USP32: variants seen among roughly 807,000 people sequenced by gnomAD.
USP32 encodes the protein ubiquitin carboxyl-terminal hydrolase 32.
USP32 carries 59 observed loss-of-function variants against 204.8 expected under a neutral mutation model. The observed-to-expected ratio is 0.29, with a 90% CI of 0.23 to 0.36. The LOEUF (loss-of-function observed/expected upper bound fraction) is 0.36, where lower values mean the gene tolerates loss of function less well. Among genes scored for constraint, USP32 ranks in the 10% least tolerant of loss-of-function variants. The probability of loss-of-function intolerance (pLI) is 1.00; values close to 1 mark genes in which losing one functional copy is unlikely to be tolerated. For missense variants in USP32, 1,160 were observed against 1,946.4 expected, an observed-to-expected ratio of 0.60 and a Z score of 7.60; for synonymous variants, 517 against 678.4, an observed-to-expected ratio of 0.76 and a Z score of 3.70.
At chr17:60,382,369 C>T (rs576455801) in intron 1 of USP32, among the ~76,000 whole-genome samples, 25 of 152,288 alleles carry the variant, frequency 1.6e-4, no homozygotes, top group African/African-American at 6.0e-4. Flanking sequence ...TGGTGGTGCA[C>T]ACCTGTAGTC....
chr17:60,243,671 T>C (rs941880759), intron 11 of USP32, among the ~76,000 whole-genome samples: 1 of 152,234 alleles, frequency 6.6e-6, no homozygotes, highest in African/African-American at 2.4e-5. Flanking sequence ...AAAACATTTT[T>C]AGCTTGCAGA....
intron 1 of USP32, among the ~76,000 whole-genome samples, chr17:60,372,822 G>C (rs2089465880): frequency 6.7e-6 from 1 of 149,040 alleles, no homozygotes; most frequent in African/African-American, 2.5e-5. Context: ...ACTCCAGCCT[G>C]GGTGACAGAG....
chr17:60,202,345 C>A (rs1295989523), intron 26 of USP32, among the ~76,000 whole-genome samples: 1 of 151,692 alleles, frequency 6.6e-6, no homozygotes, highest in Non-Finnish European at 1.5e-5. Flanking sequence ...TGGATGATAT[C>A]CAATCTTGAT....
intron 9 of USP32, among the ~76,000 whole-genome samples, chr17:60,262,953 C>A (rs1404738758): frequency 6.6e-6 from 1 of 151,902 alleles, no homozygotes; most frequent in Non-Finnish European, 1.5e-5. Context: ...TTGGTGCTAA[C>A]CTTTTTTTTT....
intron 27 of USP32, among the ~76,000 whole-genome samples, chr17:60,194,299 C>T (rs1349669706): frequency 6.6e-6 from 1 of 152,206 alleles, no homozygotes; most frequent in African/African-American, 2.4e-5. Flanking sequence ...CTGCCTCAGC[C>T]TCCTAAAGTG....
intron 31 of USP32, 38 bp from the exon 32 acceptor site, chr17:60,181,786 A>G (rs2084119257): frequency 8.9e-6 from 14 of 1,581,550 alleles, no homozygotes; most frequent in Non-Finnish European, 1.0e-5. Flanking sequence ...ACAAATTCAA[A>G]TGCCACAAAG....
chr17:60,290,184 C>T (rs923425812), intron 4 of USP32, among the ~76,000 whole-genome samples: 4 of 152,148 alleles, frequency 2.6e-5, no homozygotes, highest in African/African-American at 7.2e-5. Flanking sequence ...TTTTGCCCAC[C>T]ACCATCGCCC....
chr17:60,255,316 G>A, intron 9 of USP32, 58 bp from the exon 10 acceptor site: 1 of 788,756 alleles, frequency 1.3e-6, no homozygotes, highest in Admixed American at 4.1e-5. Context: ...TTTTTTTTTT[G>A]AGACGGAGTC....
intron 1 of USP32, among the ~76,000 whole-genome samples, chr17:60,374,148 C>T (rs2089496332): frequency 6.6e-6 from 1 of 151,826 alleles, no homozygotes; most frequent in Admixed American, 6.6e-5. Flanking sequence ...CACACCACTG[C>T]ACTCTAGCCT....
chr17:60,395,540 G>A (rs949229896), upstream of USP32, among the ~76,000 whole-genome samples: 12 of 152,108 alleles, frequency 7.9e-5, no homozygotes, highest in Admixed American at 2.0e-4. Flanking sequence ...GTCTAATAAC[G>A]TAGAAAGTCT....
intron 25 of USP32, among the ~76,000 whole-genome samples, chr17:60,206,155 CA>C (rs2084820436): frequency 6.8e-6 from 1 of 147,652 alleles, no homozygotes; most frequent in East Asian, 1.9e-4. Flanking sequence ...CCCATCTCTA[CA>C]AAAGATACAC....
chr17:60,322,807 A>G (rs1213087062), intron 2 of USP32, among the ~76,000 whole-genome samples: 1 of 152,230 alleles, frequency 6.6e-6, no homozygotes, highest in Non-Finnish European at 1.5e-5. Flanking sequence ...AAATGGATTG[A>G]GCCAATTATG....
At chr17:60,203,579 T>C (rs1205043006) in intron 26 of USP32, among the ~76,000 whole-genome samples, 1 of 151,874 alleles carries the variant, frequency 6.6e-6, no homozygotes, top group Admixed American at 6.6e-5. Context: ...CTTTATTTTA[T>C]TTATTTATTT....
At chr17:60,349,605 A>ATATATATATATATATATAT (rs1187704043) in intron 1 of USP32, among the ~76,000 whole-genome samples, 3 of 71,888 alleles carry the variant, frequency 4.2e-5, no homozygotes, top group East Asian at 6.9e-4. Flanking sequence ...AAATATATAT[A>ATATATATATATATATATAT]TATATATATA....
At chr17:60,291,527 CTGTGTGTGTATGTG>C (rs1416805442) in intron 4 of USP32, among the ~76,000 whole-genome samples, 4 of 140,722 alleles carry the variant, frequency 2.8e-5, no homozygotes, top group Admixed American at 6.9e-5. Context: ...GCTTCTCTCT[CTGTGTGTGTATGTG>C]TGTGTGTGTG....
At chr17:60,190,124 G>C (rs142238919) in intron 29 of USP32, among the ~76,000 whole-genome samples, 9,117 of 152,184 alleles carry the variant, frequency 0.06, 354 homozygotes, top group East Asian at 0.11. Flanking sequence ...GTTTCCAAGA[G>C]AGCGGGCTGT....
intron 26 of USP32, among the ~76,000 whole-genome samples, chr17:60,199,414 A>G (rs961630899): frequency 5.3e-5 from 8 of 152,236 alleles, no homozygotes; most frequent in Admixed American, 1.3e-4. Flanking sequence ...TCCTTAATAT[A>G]GAGATACTGC....
In USP32 at chr17:60,208,789, C is replaced by T; in HGVS notation, c.2638G>A (p.Val880Met). 3 of 1,605,636 alleles carry T rather than the reference C, an allele frequency of 1.9e-6. No individual in the cohort carries two copies. The highest frequency in any genetic ancestry group is 2.2e-5 in the East Asian group (1 of 44,690). ...NHLRRNRSIVVDLFHGQLRSQ... is the reference protein window; with the variant it reads ...NHLRRNRSIVMDLFHGQLRSQ... The stretch of plus-strand genomic sequence containing the variant: ...CTTAGCTGCCCATGGAACAAATCCA[C>T]AACAATTGATCTATTTCTTCTTAGA... Residue 880 changes from valine (V) to methionine (M), a missense_variant, in exon 23 of 34, where the codon GTG becomes ATG. By Grantham distance (21) the Val-to-Met change is conservative. Coordinates refer to ENST00000300896, the MANE Select transcript of USP32 (RefSeq NM_032582.4).
intron 9 of USP32, among the ~76,000 whole-genome samples, chr17:60,262,609 A>G (rs1333891736): frequency 1.3e-5 from 2 of 152,102 alleles, no homozygotes; most frequent in African/African-American, 4.8e-5. Flanking sequence ...ATAGTTTGGT[A>G]TAAAGTTCAA....
Sources: gnomAD v4.1 joint callset for allele counts (sites outside exome capture counted in the v4.1 genomes callset) on GRCh38, gnomAD v4.1.1 for gene constraint, MANE v1.5 for transcripts, NCBI Gene and HGNC (gene_info 2026-07-23, HGNC 2026-07-21) for gene names.